EPPK1: variants seen among roughly 807,000 people sequenced by gnomAD.
The protein encoded by EPPK1 is epiplakin.
For synonymous variants in EPPK1, 1,862 were observed against 1,721.2 expected (o/e 1.08, Z -2.03); for missense variants, 3,823 against 3,673.3 (o/e 1.04, Z -1.05).
chr8:143,877,607 C>T (rs1165892534), intron 1 of EPPK1, among the ~76,000 whole-genome samples: 1 of 152,136 alleles, frequency 6.6e-6, no homozygotes, highest in Non-Finnish European at 1.5e-5. Flanking sequence ...CCACCGCAGC[C>T]TGGGACAAAG....
At position 143,857,909 on chromosome 8, in the gene EPPK1, A is replaced by C. The variant is rs1050910453; in HGVS notation, c.*78T>G. On this transcript the variant is annotated 3_prime_UTR_variant, in exon 2 of 2. Transcript: ENST00000615648. Reference sequence around the variant, plus strand: ...ATTAAAGAATGACAAAAAAAAAAAAAAAAAAAAAAACAACCCAGACACACA... The same window carrying C: ...ATTAAAGAATGACAAAAAAAAAAAACAAAAAAAAAACAACCCAGACACACA... The C allele has an allele frequency of 6.6e-3, 5,214 of 793,886 alleles. 212 individuals carry two copies. In the African/African-American group the frequency reaches 0.082, roughly 12 times the overall value. 49.2% of individuals were successfully genotyped at this position (793,886 alleles called of 1,614,324 possible).
Position 143,867,610 on chromosome 8 carries a change from C to A in EPPK1, c.5644G>T (p.Ala1882Ser). 6.2e-7 allele frequency: 1 copy of A among 1,613,230 alleles called. No homozygotes were observed. The highest frequency in any genetic ancestry group is 2.2e-5 in the East Asian group (1 of 44,886). ...TLRVGRTGGQ[A>S]LSTLECVKPY... The stretch of plus-strand genomic sequence containing the variant: ...TTCACACACTCCAGCGTGCTGAGTG[C>A]CTGTCCCCCAGTCCTCCCCACACGA... The change falls in exon 2 of 2, where the codon GCA (alanine) becomes TCA (serine). Residue 1882 changes from alanine (A) to serine (S), a missense_variant. Ala to Ser is a moderately conservative substitution (Grantham distance 99). Transcript: ENST00000615648.
intron 1 of EPPK1, among the ~76,000 whole-genome samples, chr8:143,876,735 A>G (rs1819486199): frequency 5.9e-5 from 9 of 152,270 alleles, no homozygotes; most frequent in Admixed American, 5.2e-4. Flanking sequence ...TCACTATGGC[A>G]TCCAGGCCAG....
intron 1 of EPPK1, among the ~76,000 whole-genome samples, chr8:143,876,480 G>T (rs147376788): frequency 0.011 from 1,625 of 152,270 alleles, 61 homozygotes; most frequent in South Asian, 0.072. Context: ...GCTTCTGGGG[G>T]GTACATGAGA....
chr8:143,868,703 C>A lies in EPPK1; in HGVS notation c.4551G>T (p.Leu1517=). The change falls in exon 2 of 2, where the codon CTG becomes CTT. Residue 1517 remains leucine (L), a synonymous_variant. Coordinates refer to ENST00000615648, the MANE Select transcript of EPPK1 (RefSeq NM_031308.4). ...TCCGGAGCCCTCTGAAGGTGGCCTG[C>A]AGGGGCTGCCTCTCTGCAGCCTCGA... The part of the protein sequence containing the change: ...TLVEAAERQP[L]QATFRGLRKQ... 1.3e-6 allele frequency: 2 copies of A among 1,579,298 alleles called. No individual in the cohort carries two copies. The highest frequency in any genetic ancestry group is 2.7e-5 in the African/African-American group (2 of 74,216).
chr8:143,863,131 TGAC>T lies in EPPK1; in HGVS notation c.10120_10122del (p.Val3374del). On this transcript the variant is annotated inframe_deletion, in exon 2 of 2. Transcript: ENST00000615648. ...CCGGTGTAGGGGTCGGTGTAGCCGG[TGAC>T]GGCGCGCTCGGCCGACAGCAGCTTC... 1.9e-5 allele frequency: 2 copies of T among 102,898 alleles called. No homozygotes were observed. Among genetic ancestry groups the T allele is most frequent in the Non-Finnish European group, 3.6e-5 (2 of 55,642 alleles). 6.4% of individuals were successfully genotyped at this position (102,898 alleles called of 1,614,324 possible).
At position 143,872,923 on chromosome 8, in the gene EPPK1, TCTC is replaced by T. The variant is rs782788000; in HGVS notation, c.328_330del (p.Glu110del). The stretch of plus-strand genomic sequence containing the variant: ...GTGGCACGCTCAGCGGCCAGCAGCT[TCTC>T]CTTCAGCTCCAGCCCCACCAGACCC... On this transcript the variant is annotated inframe_deletion, in exon 2 of 2. Coordinates refer to ENST00000615648, the MANE Select transcript of EPPK1 (RefSeq NM_031308.4). 2.5e-6 allele frequency: 4 copies of T among 1,608,472 alleles called. No homozygotes were observed. Among genetic ancestry groups the T allele is most frequent in the East Asian group, 2.2e-5 (1 of 44,774 alleles).
rs782491237 is a variant in EPPK1, at chr8:143,867,895, C to T, written c.5359G>A (p.Gly1787Arg). 6.8e-6 allele frequency: 11 copies of T among 1,613,398 alleles called. No homozygotes were observed. In the South Asian group the frequency reaches 1.1e-4, roughly 16 times the overall value. ...GAGACCACCTGGTCAGCAAACCTCCCCACGCGCATTTTTGCAGTTCTGGAT... is the reference window on the plus strand; with the variant it reads ...GAGACCACCTGGTCAGCAAACCTCCTCACGCGCATTTTTGCAGTTCTGGAT... ...LQSRTAKMRV[G>R]RFADQVVSFW... The change falls in exon 2 of 2, where the codon GGG becomes AGG. Residue 1787 changes from glycine to arginine, a missense_variant. Coordinates refer to ENST00000615648, the MANE Select transcript of EPPK1 (RefSeq NM_031308.4).
In EPPK1 at chr8:143,866,592, T is replaced by C; in HGVS notation, c.6662A>G (p.Glu2221Gly). 6.2e-6 allele frequency: 10 copies of C among 1,612,496 alleles called. No homozygotes were observed. Among genetic ancestry groups the C allele is most frequent in the South Asian group, 4.4e-5 (4 of 91,066 alleles). ...GACGCCCGCGATGCAGCTGGTGCCC[T>C]CCAGGTAGCGCTTGACGCGGTCGTC... is the stretch of plus-strand genomic sequence containing the variant. ...MEDDRVKRYL[E>G]GTSCIAGVLV... Residue 2221 changes from glutamate (E) to glycine (G), a missense_variant, in exon 2 of 2, where the codon GAG becomes GGG. Physicochemically the swap from Glu to Gly is moderately conservative, Grantham distance 98. Coordinates refer to ENST00000615648, the MANE Select transcript of EPPK1 (RefSeq NM_031308.4).
chr8:143,866,130 A>T lies in EPPK1; in HGVS notation c.7124T>A (p.Val2375Asp), dbSNP rs1819096887. 1.7e-5 allele frequency: 6 copies of T among 348,870 alleles called. No individual in the cohort carries two copies. In the Admixed American group the frequency reaches 4.5e-4, roughly 26 times the overall value. The allele number at this position is 348,870 out of a possible 1,614,324, so 21.6% of individuals were successfully genotyped here. A position where few individuals can be genotyped will look rare whatever the true frequency, so the allele number is the denominator to read the frequency against. Residue 2375 changes from valine to aspartate, a missense_variant, in exon 2 of 2, where the codon GTC becomes GAC. Val to Asp is a radical substitution (Grantham distance 152, BLOSUM62 -3). Transcript: ENST00000615648. The stretch of plus-strand genomic sequence containing the variant: ...GGTGTCGTCGCTGGGGTCGGCCAGG[A>T]CACGGTTCATCTCCTCGTCGAAGTA... ...RGYFDEEMNRVLADPSDDTKG... is the reference protein window; with the variant it reads ...RGYFDEEMNRDLADPSDDTKG...
intron 1 of EPPK1, among the ~76,000 whole-genome samples, chr8:143,876,825 G>A (rs1200216654): frequency 2.6e-5 from 4 of 152,046 alleles, no homozygotes; most frequent in South Asian, 2.1e-4. Context: ...AATGAGAGGA[G>A]CACCTGATTT....
rs2130622650 is a variant in EPPK1 at position 143,867,195 on chromosome 8, T to C, written c.6059A>G (p.Gln2020Arg). ...QVATGGVIDP[Q>R]HHHRLPLETA... ...TTCCAGTGGGAGCCGGTGGTGGTGC[T>C]GTGGGTCGATGACACCCCCCGTGGC... Residue 2020 changes from glutamine (Q) to arginine (R), a missense_variant, in exon 2 of 2, where the codon CAG becomes CGG. By Grantham distance (43) the Gln-to-Arg change is conservative. Coordinates refer to ENST00000615648, the MANE Select transcript of EPPK1 (RefSeq NM_031308.4). 3.1e-6 allele frequency: 5 copies of C among 1,612,734 alleles called. No homozygotes were observed. In the East Asian group the frequency reaches 1.1e-4, roughly 36 times the overall value.
At chr8:143,876,121 A>C (rs1819472903) in intron 1 of EPPK1, among the ~76,000 whole-genome samples, 1 of 152,212 alleles carries the variant, frequency 6.6e-6, no homozygotes, top group South Asian at 2.1e-4. Flanking sequence ...TCCCAGGAGC[A>C]AGCAGCCAGG....
At chr8:143,878,545 C>T (rs79617566), upstream of EPPK1, 1 of 125,500 alleles carries the variant, frequency 8.0e-6, no homozygotes, top group Non-Finnish European at 1.9e-5. Context: ...GTCGGGGCCC[C>T]GACGCGGGGC....
Position 143,872,229 on chromosome 8 carries a change from GCCT to G in EPPK1, c.1022_1024del (p.Glu341del), listed in dbSNP as rs782358048. 1.2e-6 allele frequency: 2 copies of G among 1,609,640 alleles called. No individual in the cohort carries two copies. The highest frequency in any genetic ancestry group is 2.2e-5 in the East Asian group (1 of 44,858). Reference sequence around the variant, plus strand: ...TGGGCTGACCAGGCCCGCCCTGACTGCCTCGTCTACCCACAGCCGCTGGCCTGT... The same window carrying G: ...TGGGCTGACCAGGCCCGCCCTGACTGCGTCTACCCACAGCCGCTGGCCTGT... On this transcript the variant is annotated inframe_deletion, in exon 2 of 2. Coordinates refer to ENST00000615648, the MANE Select transcript of EPPK1 (RefSeq NM_031308.4).
In EPPK1 at chr8:143,867,910, C is replaced by T. The variant is rs1554659668; in HGVS notation, c.5344G>A (p.Ala1782Thr). 5 of 1,613,346 alleles carry T rather than the reference C, an allele frequency of 3.1e-6. No individual in the cohort carries two copies. Among genetic ancestry groups the T allele is most frequent in the Non-Finnish European group, 4.2e-6 (5 of 1,179,760 alleles). ...ATRHVLQSRT[A>T]KMRVGRFADQ... ...GCAAACCTCCCCACGCGCATTTTTG[C>T]AGTTCTGGATTGCAACACGTGTCTC... is the stretch of plus-strand genomic sequence containing the variant. Residue 1782 changes from alanine to threonine, a missense_variant, in exon 2 of 2, where the codon GCA becomes ACA. By Grantham distance (58) the Ala-to-Thr change is moderately conservative. Transcript: ENST00000615648.
At chr8:143,878,589 C>A (rs1469722308), upstream of EPPK1, 1 of 151,182 alleles carries the variant, frequency 6.6e-6, no homozygotes, top group Non-Finnish European at 1.5e-5. Flanking sequence ...AAACCCCGCG[C>A]GGCCCGGGCC....
upstream of EPPK1, among the ~76,000 whole-genome samples, chr8:143,879,008 C>T (rs1368586889): frequency 1.3e-5 from 2 of 152,190 alleles, no homozygotes; most frequent in Non-Finnish European, 2.9e-5. Context: ...GGTCTGGCTC[C>T]TCCACCTGGG....
Position 143,870,845 on chromosome 8 carries a change from G to A in EPPK1, c.2409C>T (p.Ser803=), listed in dbSNP as rs782532415. The A allele has an allele frequency of 1.6e-5, 26 of 1,612,968 alleles. No individual in the cohort carries two copies. Among genetic ancestry groups the A allele is most frequent in the Admixed American group, 3.3e-5 (2 of 60,016 alleles). ...LYLLPLSSTQ[S]PLVDSATQQA... ...GCTGGGTGGCACTGTCCACCAGCGG[G>A]GACTGCGTGCTGCTGAGTGGCAGGA... is the stretch of plus-strand genomic sequence containing the variant. The change falls in exon 2 of 2, where the codon TCC becomes TCT. Residue 803 remains serine (S), a synonymous_variant. Coordinates refer to ENST00000615648, the MANE Select transcript of EPPK1 (RefSeq NM_031308.4). This position sits in a 1 kb window ranked among gnomAD's most constrained non-coding sequence, Gnocchi z 5.2.
Sources: allele counts gnomAD v4.1 joint callset (sites outside exome capture counted in the v4.1 genomes callset), GRCh38; gene constraint gnomAD v4.1.1; non-coding constraint Gnocchi (gnomAD v3.1); transcripts MANE v1.5; gene names NCBI Gene and HGNC (gene_info 2026-07-23, HGNC 2026-07-21).